RABGAP1: variants seen among roughly 807,000 people sequenced by gnomAD.
The protein encoded by RABGAP1 is rab GTPase-activating protein 1.
Under a neutral mutation model 137.6 loss-of-function variants are expected in RABGAP1, and 23 were observed. The ratio of observed to expected loss-of-function variants is 0.17; its 90% CI spans 0.12 to 0.24. The LOEUF is 0.24. RABGAP1 is among the 10% of genes least tolerant of loss of function. RABGAP1 has a pLI of 1.00. For synonymous variants in RABGAP1, 451 were observed against 450.7 expected (o/e 1.00, Z -0.01); for missense variants, 906 against 1,275.8 (o/e 0.71, Z 4.42).
intron 1 of RABGAP1, among the ~76,000 whole-genome samples, chr9:122,941,777 C>G (rs193259213): frequency 4.1e-4 from 62 of 152,338 alleles, no homozygotes; most frequent in Non-Finnish European, 8.5e-4. Context: ...TCAAGACTTC[C>G]AGGAGTTCGC....
rs559423502 is a variant in RABGAP1 at position 123,088,389 on chromosome 9, A to T, written c.2425-1369A>T. Among the ~76,000 whole-genome samples the T allele has an allele frequency of 1.3e-4, 20 of 151,482 alleles. No homozygotes were observed. In the East Asian group the frequency reaches 3.5e-3, roughly 26 times the overall value. On this transcript the variant is annotated intron_variant, in intron 19 of 25. Coordinates refer to ENST00000373647, the MANE Select transcript of RABGAP1 (RefSeq NM_012197.4). ...AATTGCACACATCTGTTTTTTTTTTAATCACTTTTCTATTATATCTCATAA... is the reference window on the plus strand; with the variant it reads ...AATTGCACACATCTGTTTTTTTTTTTATCACTTTTCTATTATATCTCATAA...
intron 25 of RABGAP1, 25 bp downstream of exon 25, chr9:123,101,788 G>A (rs2035353229): frequency 6.5e-7 from 1 of 1,547,400 alleles, no homozygotes; most frequent in Non-Finnish European, 8.7e-7. Context: ...GCTCAGACAT[G>A]TGCCTGCGGG....
chr9:122,976,471 A>G (rs1835766135), intron 2 of RABGAP1, among the ~76,000 whole-genome samples: 1 of 152,226 alleles, frequency 6.6e-6, no homozygotes, highest in Non-Finnish European at 1.5e-5. Context: ...CTTGCTCAGA[A>G]TAATGAAAAC....
chr9:122,986,540 T>C, intron 4 of RABGAP1, 121 bp downstream of exon 4: 3 of 1,078,950 alleles, frequency 2.8e-6, no homozygotes, highest in Middle Eastern at 3.1e-4. Flanking sequence ...TAACGTTTCA[T>C]TTACCTGGCA....
chr9:122,990,124 C>A lies in RABGAP1; in HGVS notation c.834C>A (p.Ala278=). ...CTGCCAAGCAGACCCCACTTTCAGC[C>A]ACTGCTGCACCCCAGACTCCTGACA... ...RRSAKQTPLS[A]TAAPQTPDSD... is the part of the protein sequence containing the mutation. The change falls in exon 6 of 26, where the codon GCC becomes GCA. Residue 278 remains alanine, a synonymous_variant. Coordinates refer to ENST00000373647, the MANE Select transcript of RABGAP1 (RefSeq NM_012197.4). The A allele has an allele frequency of 1.9e-6, 3 of 1,610,694 alleles. No individual in the cohort carries two copies. The highest frequency in any genetic ancestry group is 2.5e-6 in the Non-Finnish European group (3 of 1,176,932).
At chr9:122,966,810 C>G (rs1475122818) in intron 2 of RABGAP1, among the ~76,000 whole-genome samples, 1 of 152,140 alleles carries the variant, frequency 6.6e-6, no homozygotes, top group African/African-American at 2.4e-5. Context: ...GGGGAGGCCT[C>G]ACAATCATGG....
chr9:123,077,001 G>A (rs1334718349), intron 19 of RABGAP1: 8 of 136,100 alleles, frequency 5.9e-5, no homozygotes, highest in Admixed American at 2.2e-4. Context: ...ATGAAATCTC[G>A]TTGTCCCCCC....
At chr9:122,995,209 T>C (rs547677107) in intron 6 of RABGAP1, among the ~76,000 whole-genome samples, 27 of 152,330 alleles carry the variant, frequency 1.8e-4, no homozygotes, top group African/African-American at 6.5e-4. Flanking sequence ...ATTACACTGG[T>C]TTATAATAAA....
At chr9:123,009,702 G>A (rs929382225) in intron 10 of RABGAP1, among the ~76,000 whole-genome samples, 2 of 152,046 alleles carry the variant, frequency 1.3e-5, no homozygotes, top group Admixed American at 1.3e-4. Context: ...TTATATGTTT[G>A]CCTCAAAATA....
chr9:123,009,800 C>T (rs572157055), intron 10 of RABGAP1, among the ~76,000 whole-genome samples: 41 of 145,706 alleles, frequency 2.8e-4, no homozygotes, highest in African/African-American at 8.5e-4. Flanking sequence ...CTGACCCCAC[C>T]CCAACTCCAA....
intron 13 of RABGAP1, among the ~76,000 whole-genome samples, chr9:123,044,920 C>T (rs1173250680): frequency 6.6e-6 from 1 of 151,970 alleles, no homozygotes; most frequent in Non-Finnish European, 1.5e-5. Flanking sequence ...TTAAAGGAAC[C>T]CAAAGGATCA....
At chr9:123,008,281 C>G (rs567314283) in intron 10 of RABGAP1, among the ~76,000 whole-genome samples, 1 of 151,968 alleles carries the variant, frequency 6.6e-6, no homozygotes, top group Non-Finnish European at 1.5e-5. Context: ...TATTGCTGGC[C>G]GGGCACGGTG....
At position 123,025,546 on chromosome 9, in the gene RABGAP1, T is replaced by TTTTTTTC. The variant is rs905064725; in HGVS notation, c.1794+5093_1794+5094insCTTTTTT. ...TATTTGTTCAGATCTTTCTTTTCTT[T>TTTTTTTC]TTTTTTTTTTTTTTGCCTTCAAGAA... is the stretch of plus-strand genomic sequence containing the variant. On this transcript the variant is annotated intron_variant, in intron 13 of 25. Coordinates refer to ENST00000373647, the MANE Select transcript of RABGAP1 (RefSeq NM_012197.4). 9.8e-5 allele frequency among the ~76,000 whole-genome samples: 14 copies of TTTTTTTC among 143,318 alleles called. 1 individual carries two copies. The highest frequency in any genetic ancestry group is 6.1e-5 in the Non-Finnish European group (4 of 65,114). The allele number at this position is 143,318 out of a possible 152,430, so 94.0% of individuals were successfully genotyped here.
intron 15 of RABGAP1, among the ~76,000 whole-genome samples, chr9:123,073,243 A>T (rs2034412101): frequency 1.3e-5 from 2 of 152,326 alleles, no homozygotes; most frequent in South Asian, 2.1e-4. Context: ...CCTTAGGCAG[A>T]TACAGGCCTT....
intron 6 of RABGAP1, among the ~76,000 whole-genome samples, chr9:122,995,566 ATTTTT>A (rs34683455): frequency 1.7e-5 from 2 of 118,470 alleles, no homozygotes; most frequent in Non-Finnish European, 3.3e-5. Flanking sequence ...ATATCAAATG[ATTTTT>A]TTTTTTTTTT....
upstream of RABGAP1, chr9:122,937,794 C>G (rs763569613): frequency 6.6e-6 from 1 of 152,304 alleles, no homozygotes; most frequent in Non-Finnish European, 1.5e-5. Flanking sequence ...GAGTTCGAGA[C>G]CAGCCTGGCC....
intron 2 of RABGAP1, among the ~76,000 whole-genome samples, chr9:122,972,619 C>T (rs1388785280): frequency 6.6e-6 from 1 of 152,124 alleles, no homozygotes; most frequent in African/African-American, 2.4e-5. Flanking sequence ...TAGGCTATAT[C>T]TCTTGATTGG....
chr9:122,982,343 G>T (rs1247257271), intron 2 of RABGAP1, among the ~76,000 whole-genome samples: 1 of 152,144 alleles, frequency 6.6e-6, no homozygotes, highest in Admixed American at 6.5e-5. Flanking sequence ...CAAGGCAAAG[G>T]TATAAACATG....
intron 10 of RABGAP1, among the ~76,000 whole-genome samples, chr9:123,003,638 G>A (rs2029931490): frequency 6.6e-6 from 1 of 152,158 alleles, no homozygotes; most frequent in African/African-American, 2.4e-5. Context: ...ATTATCTGGT[G>A]ACTCAGCAAT....
Sources: allele counts gnomAD v4.1 joint callset (sites outside exome capture counted in the v4.1 genomes callset), GRCh38; gene constraint gnomAD v4.1.1; transcripts MANE v1.5; gene names NCBI Gene and HGNC (gene_info 2026-07-23, HGNC 2026-07-21).